DIAPH3: variants seen among roughly 807,000 people sequenced by gnomAD.
The protein encoded by DIAPH3 is protein diaphanous homolog 3.
Under a neutral mutation model 144.3 loss-of-function variants are expected in DIAPH3, and 117 were observed. The observed-to-expected ratio is 0.81, with a 90% confidence interval of 0.70 to 0.95. The LOEUF is 0.95. Ranked by LOEUF, DIAPH3 falls within the 40% of genes least tolerant of loss-of-function variation. The pLI is 0.00. For synonymous variants in DIAPH3, 519 were observed against 488.9 expected (o/e 1.06, Z -0.81); for missense variants, 1,421 against 1,412.7 (o/e 1.01, Z -0.09).
At chr13:60,111,405 C>A (rs1566784492) in intron 3 of DIAPH3, among the ~76,000 whole-genome samples, 2 of 152,180 alleles carry the variant, frequency 1.3e-5, no homozygotes, top group Non-Finnish European at 2.9e-5. Context: ...CAGTGACTGT[C>A]ATTTTAACAT....
At position 60,076,267 on chromosome 13, in the gene DIAPH3, C is replaced by T. The variant is rs565451486; in HGVS notation, c.495+17361G>A. 1.1e-4 allele frequency among the ~76,000 whole-genome samples: 17 copies of T among 152,314 alleles called. No homozygotes were observed. The South Asian group carries it at 1.2e-3, about 11-fold the overall frequency. ...TTCTCTCAAATGCCCACTCATTTGG[C>T]TCCAGTCCCTCACAAGGGGTCAGAA... On this transcript the variant is annotated intron_variant, in intron 4 of 27. Coordinates refer to ENST00000400324, the MANE Select transcript of DIAPH3 (RefSeq NM_001042517.2).
At chr13:60,103,227 C>T (rs1219691510) in intron 3 of DIAPH3, among the ~76,000 whole-genome samples, 1 of 151,940 alleles carries the variant, frequency 6.6e-6, no homozygotes, top group African/African-American at 2.4e-5. Flanking sequence ...AAGGCACAAT[C>T]AAGCAGAGAA....
At chr13:59,692,074 A>G (rs1288043545) in intron 27 of DIAPH3, among the ~76,000 whole-genome samples, 1 of 151,872 alleles carries the variant, frequency 6.6e-6, no homozygotes, top group African/African-American at 2.4e-5. Flanking sequence ...TTTGATAAAA[A>G]TACTAGAATA....
chr13:59,850,488 C>T (rs925917080), intron 22 of DIAPH3, among the ~76,000 whole-genome samples: 72 of 151,334 alleles, frequency 4.8e-4, no homozygotes, highest in Middle Eastern at 3.4e-3. Context: ...TTTTGAAATA[C>T]GTCCCATCAA....
chr13:59,766,137 G>A (rs2037848985), intron 27 of DIAPH3, among the ~76,000 whole-genome samples: 1 of 152,174 alleles, frequency 6.6e-6, no homozygotes, highest in African/African-American at 2.4e-5. Context: ...AGCACACCCA[G>A]TCTGCCTACT....
At chr13:59,855,437 A>G (rs1866446761) in intron 22 of DIAPH3, among the ~76,000 whole-genome samples, 1 of 152,006 alleles carries the variant, frequency 6.6e-6, no homozygotes, top group Admixed American at 6.6e-5. Flanking sequence ...TTTTAAAAAT[A>G]AATTTAACTT....
chr13:59,817,556 G>C (rs2040840292), intron 24 of DIAPH3, among the ~76,000 whole-genome samples: 1 of 151,766 alleles, frequency 6.6e-6, no homozygotes, highest in Non-Finnish European at 1.5e-5. Context: ...TATATCCATA[G>C]GGTAAAGGGA....
At chr13:60,069,958 A>G (rs1350678184) in intron 4 of DIAPH3, among the ~76,000 whole-genome samples, 1 of 152,074 alleles carries the variant, frequency 6.6e-6, no homozygotes, top group Non-Finnish European at 1.5e-5. Context: ...TGGCTATTCA[A>G]GCTCTTTTTT....
At position 60,051,472 on chromosome 13, in the gene DIAPH3, T is replaced by G. The variant is rs2056342331; in HGVS notation, c.496-8652A>C. ...CTGTCTCTATTAAAAATACAAAAAT[T>G]AGCCAGGCGTGGTGGCACATGCCTG... On this transcript the variant is annotated intron_variant, in intron 4 of 27. Coordinates refer to ENST00000400324, the MANE Select transcript of DIAPH3 (RefSeq NM_001042517.2). 3.3e-5 allele frequency among the ~76,000 whole-genome samples: 5 copies of G among 151,910 alleles called. 1 individual carries two copies. The South Asian group carries it at 8.3e-4, about 25-fold the overall frequency.
At chr13:59,703,999 G>C (rs2034268971) in intron 27 of DIAPH3, among the ~76,000 whole-genome samples, 1 of 152,102 alleles carries the variant, frequency 6.6e-6, no homozygotes, top group Admixed American at 6.5e-5. Context: ...AGCAAGATTG[G>C]GTCTATTTTG....
At chr13:59,860,669 C>T (rs916950979) in intron 22 of DIAPH3, among the ~76,000 whole-genome samples, 6 of 151,624 alleles carry the variant, frequency 4.0e-5, no homozygotes, top group African/African-American at 1.2e-4. Context: ...ACCTGGGAGG[C>T]GGAGCTTGCA....
At chr13:59,715,695 T>C (rs1018697299) in intron 27 of DIAPH3, among the ~76,000 whole-genome samples, 3 of 152,070 alleles carry the variant, frequency 2.0e-5, no homozygotes, top group Admixed American at 6.5e-5. Context: ...AAGAAAGTGG[T>C]TGTGGTTTAA....
At chr13:59,836,259 CACT>C (rs1744642548) in intron 23 of DIAPH3, among the ~76,000 whole-genome samples, 1 of 151,678 alleles carries the variant, frequency 6.6e-6, no homozygotes, top group Non-Finnish European at 1.5e-5. Flanking sequence ...AAGGAACAAG[CACT>C]ACATGACACA....
chr13:60,154,004 T>C (rs1951914180), intron 1 of DIAPH3, among the ~76,000 whole-genome samples: 1 of 152,064 alleles, frequency 6.6e-6, no homozygotes, highest in Non-Finnish European at 1.5e-5. Context: ...CATTCAGTCA[T>C]CAGATCAGAA....
At position 60,058,683 on chromosome 13, in the gene DIAPH3, T is replaced by C. The variant is rs528644449; in HGVS notation, c.496-15863A>G. 2.2e-4 allele frequency among the ~76,000 whole-genome samples: 34 copies of C among 152,028 alleles called. No individual in the cohort carries two copies. In the South Asian group the frequency reaches 7.1e-3, roughly 32 times the overall value. ...TGGTGTGTACACATGTGTATGTATATATATACACACATACACATACACTGT... is the reference window on the plus strand; with the variant it reads ...TGGTGTGTACACATGTGTATGTATACATATACACACATACACATACACTGT... On this transcript the variant is annotated intron_variant, in intron 4 of 27. Transcript: ENST00000400324.
chr13:60,010,800 T>C (rs1037710606), intron 7 of DIAPH3, 131 bp from the exon 8 acceptor site: 3 of 883,470 alleles, frequency 3.4e-6, no homozygotes, highest in Non-Finnish European at 3.4e-6. Flanking sequence ...AAATATAGAC[T>C]GTGTAACACT....
intron 8 of DIAPH3, among the ~76,000 whole-genome samples, chr13:60,008,994 G>C (rs1425874569): frequency 2.0e-5 from 3 of 152,074 alleles, no homozygotes; most frequent in African/African-American, 7.2e-5. Flanking sequence ...AGGAGACTAA[G>C]GCAGAAAAAG....
rs763315993 is a variant in DIAPH3 at position 60,089,182 on chromosome 13, T to C, written c.495+4446A>G. On this transcript the variant is annotated intron_variant, in intron 4 of 27. Coordinates refer to ENST00000400324, the MANE Select transcript of DIAPH3 (RefSeq NM_001042517.2). ...TTAATAAACACTTCTATCACAGACA[T>C]AGGTATGATGCACCATCCCAAAGAG... is the stretch of plus-strand genomic sequence containing the variant. 5.3e-5 allele frequency among the ~76,000 whole-genome samples: 8 copies of C among 152,158 alleles called. No individual in the cohort carries two copies. In the South Asian group the frequency reaches 6.2e-4, roughly 12 times the overall value.
chr13:60,122,151 C>T (rs756953199), intron 2 of DIAPH3, among the ~76,000 whole-genome samples: 4 of 152,180 alleles, frequency 2.6e-5, no homozygotes, highest in African/African-American at 9.7e-5. Context: ...CATATTTCCT[C>T]TCTAGACAAT....
Sources: allele counts gnomAD v4.1 joint callset (sites outside exome capture counted in the v4.1 genomes callset), GRCh38; gene constraint gnomAD v4.1.1; transcripts MANE v1.5; gene names NCBI Gene and HGNC (gene_info 2026-07-23, HGNC 2026-07-21).